Variants in CALCR observed in about 807,000 individuals in gnomAD.
CALCR encodes the protein calcitonin receptor.
In CALCR, 47 loss-of-function variants were observed where a neutral mutation model predicts 59.5. The observed-to-expected ratio is 0.79, with a 90% CI of 0.63 to 1.01. CALCR has a LOEUF of 1.01. Ranked by LOEUF, CALCR falls within the 50% of genes least tolerant of loss-of-function variation. CALCR has a pLI of 0.00. For synonymous variants in CALCR, 213 were observed against 211.3 expected, an observed-to-expected ratio of 1.01 and a Z score of -0.07; for missense variants, 566 against 597.1, an observed-to-expected ratio of 0.95 and a Z score of 0.54.
At chr7:93,520,464 A>G (rs1454527086) in intron 2 of CALCR, among the ~76,000 whole-genome samples, 1 of 152,134 alleles carries the variant, frequency 6.6e-6, no homozygotes, top group Non-Finnish European at 1.5e-5. Flanking sequence ...GTTGCATCAG[A>G]AGAAGCATTA....
chr7:93,529,750 A>G (rs1788782083), intron 2 of CALCR, among the ~76,000 whole-genome samples: 1 of 152,166 alleles, frequency 6.6e-6, no homozygotes, highest in Non-Finnish European at 1.5e-5. Context: ...CTCAATGAAG[A>G]AATAAATAAA....
intron 2 of CALCR, among the ~76,000 whole-genome samples, chr7:93,570,896 A>C (rs1422625282): frequency 2.0e-5 from 3 of 152,214 alleles, no homozygotes; most frequent in African/African-American, 7.2e-5. Context: ...AAGCCAATTC[A>C]AGAAAATTAC....
chr7:93,534,182 C>T lies in CALCR; in HGVS notation c.-27+40107G>A, dbSNP rs145861534. Among the ~76,000 whole-genome samples the T allele has an allele frequency of 1.6e-3, 247 of 151,772 alleles. 2 individuals are homozygous for T. Among genetic ancestry groups the T allele is most frequent in the African/African-American group, 5.4e-3 (222 of 41,472 alleles). Reference sequence around the variant, plus strand: ...TATCCGTGTATCAAGTGTTTGACAACGATTACATAACAGTCTAATATTTAC... The same window carrying T: ...TATCCGTGTATCAAGTGTTTGACAATGATTACATAACAGTCTAATATTTAC... On this transcript the variant is annotated intron_variant, in intron 2 of 13. Transcript: ENST00000426151.
At chr7:93,427,129 A>T (rs1463142016) in intron 13 of CALCR, among the ~76,000 whole-genome samples, 1 of 152,258 alleles carries the variant, frequency 6.6e-6, no homozygotes, top group Non-Finnish European at 1.5e-5. Flanking sequence ...CTTTTTAAGA[A>T]TAAGATTTTC....
chr7:93,452,400 C>A (rs1008492659), intron 8 of CALCR, among the ~76,000 whole-genome samples: 2 of 151,912 alleles, frequency 1.3e-5, no homozygotes, highest in African/African-American at 4.8e-5. Context: ...AGTTGATAAA[C>A]TAAGGGACAA....
At chr7:93,499,765 A>G (rs1472749668) in intron 2 of CALCR, among the ~76,000 whole-genome samples, 2 of 151,842 alleles carry the variant, frequency 1.3e-5, no homozygotes, top group Non-Finnish European at 2.9e-5. Context: ...TATATCTTAC[A>G]CAGGAGACTT....
At chr7:93,534,193 CA>C (rs1237903064) in intron 2 of CALCR, among the ~76,000 whole-genome samples, 3 of 151,776 alleles carry the variant, frequency 2.0e-5, no homozygotes, top group Non-Finnish European at 2.9e-5. Context: ...GATTACATAA[CA>C]GTCTAATATT....
rs1799496730 is a variant in CALCR at position 93,425,137 on chromosome 7, T to C, written c.*1219A>G. 6.6e-6 allele frequency: 1 copy of C among 152,654 alleles called. No homozygotes were observed. Among genetic ancestry groups the C allele is most frequent in the Non-Finnish European group, 1.5e-5 (1 of 68,024 alleles). The allele number at this position is 152,654 out of a possible 1,614,324, so 9.5% of individuals were successfully genotyped here. On this transcript the variant is annotated 3_prime_UTR_variant, in exon 14 of 14. Transcript: ENST00000426151. ...TTATTCAGGATTTTCAAAAATCTTA[T>C]ACTGGGAAGTAAAGAGAGATATGAT...
At chr7:93,434,232 T>G in intron 13 of CALCR, 21 bp downstream of exon 13, 2 of 1,571,678 alleles carry the variant, frequency 1.3e-6, no homozygotes, top group South Asian at 2.2e-5. Flanking sequence ...AGTGATAGTA[T>G]TATATGAAAT....
At chr7:93,554,522 C>G (rs1332172048) in intron 2 of CALCR, among the ~76,000 whole-genome samples, 1 of 151,896 alleles carries the variant, frequency 6.6e-6, no homozygotes, top group Non-Finnish European at 1.5e-5. Context: ...TTATACTGAT[C>G]TTTTACCCTT....
chr7:93,555,878 G>T (rs1789590447), intron 2 of CALCR, among the ~76,000 whole-genome samples: 1 of 152,094 alleles, frequency 6.6e-6, no homozygotes, highest in Non-Finnish European at 1.5e-5. Context: ...AAGTTTTTCT[G>T]CCCTATTTTT....
intron 8 of CALCR, among the ~76,000 whole-genome samples, chr7:93,448,088 C>T (rs1277244495): frequency 6.6e-6 from 1 of 151,938 alleles, no homozygotes; most frequent in African/African-American, 2.4e-5. Flanking sequence ...CAAAAGTAAG[C>T]GCTCTGAAAA....
At chr7:93,476,282 T>C (rs1800664152) in intron 5 of CALCR, among the ~76,000 whole-genome samples, 1 of 151,842 alleles carries the variant, frequency 6.6e-6, no homozygotes, top group African/African-American at 2.4e-5. Flanking sequence ...TGAATTTCAA[T>C]ACAGTTCTTC....
chr7:93,517,317 A>ACTTTTTTTTTT (rs1191258842), intron 2 of CALCR, among the ~76,000 whole-genome samples: 3 of 127,850 alleles, frequency 2.3e-5, no homozygotes, highest in South Asian at 2.6e-4. Context: ...TTTTTTTTTA[A>ACTTTTTTTTTT]TTTGCTAGCC....
chr7:93,459,555 T>C (rs1306107333), intron 8 of CALCR, among the ~76,000 whole-genome samples: 4 of 152,146 alleles, frequency 2.6e-5, no homozygotes, highest in African/African-American at 4.8e-5. Context: ...CATCCAGTAG[T>C]TGGCTGATGA....
At chr7:93,452,082 C>A (rs895106218) in intron 8 of CALCR, among the ~76,000 whole-genome samples, 3 of 151,852 alleles carry the variant, frequency 2.0e-5, no homozygotes, top group Admixed American at 6.6e-5. Flanking sequence ...ATGCTCACTA[C>A]CTGAGTGACA....
rs921442333 is a variant in CALCR, at chr7:93,425,400, T to G, written c.*956A>C. ...ATGTGGAGTCTTTTAATTACCAATA[T>G]TCAACAAATTTATCTTTTACTGCTA... On this transcript the variant is annotated 3_prime_UTR_variant, in exon 14 of 14. Coordinates refer to ENST00000426151, the MANE Select transcript of CALCR (RefSeq NM_001742.4). 1 of 152,618 alleles carries G rather than the reference T, an allele frequency of 6.6e-6. No individual in the cohort carries two copies. Among genetic ancestry groups the G allele is most frequent in the South Asian group, 2.1e-4 (1 of 4,830 alleles). The allele number at this position is 152,618 out of a possible 1,614,324, so 9.5% of individuals were successfully genotyped here.
intron 9 of CALCR, among the ~76,000 whole-genome samples, chr7:93,439,092 T>G (rs1482565184): frequency 6.6e-6 from 1 of 152,186 alleles, no homozygotes; most frequent in East Asian, 1.9e-4. Flanking sequence ...TTGATTTGAT[T>G]GAGACATCTG....
intron 7 of CALCR, among the ~76,000 whole-genome samples, chr7:93,464,499 T>C (rs1234116082): frequency 1.3e-5 from 2 of 151,918 alleles, no homozygotes; most frequent in East Asian, 3.9e-4. Context: ...ACATGAGAAC[T>C]GAAAAAAAGA....
Sources: gnomAD v4.1 joint callset for allele counts (sites outside exome capture counted in the v4.1 genomes callset) on GRCh38, gnomAD v4.1.1 for gene constraint, MANE v1.5 for transcripts, NCBI Gene and HGNC (gene_info 2026-07-23, HGNC 2026-07-21) for gene names.